Variants in TBC1D14 observed in about 807,000 individuals in gnomAD.
The protein encoded by TBC1D14 is TBC1 domain family, member 14.
TBC1D14 carries 26 observed loss-of-function variants against 79.0 expected under a neutral mutation model. That is an observed-to-expected ratio of 0.33 (90% CI 0.24 to 0.46). The LOEUF is 0.46. Among genes scored for constraint, TBC1D14 ranks in the 20% least tolerant of loss-of-function variants. TBC1D14 has a pLI of 1.00. For missense variants in TBC1D14, 769 were observed against 887.6 expected, an observed-to-expected ratio of 0.87 and a Z score of 1.70; for synonymous variants, 394 against 349.9, an observed-to-expected ratio of 1.13 and a Z score of -1.40.
chr4:6,987,276 G>T, intron 3 of TBC1D14: 1 of 1,333,100 alleles, frequency 7.5e-7, no homozygotes, highest in Non-Finnish European at 9.6e-7. Context: ...CCGGGAGGGA[G>T]GGAGGGAGGC....
intron 3 of TBC1D14, among the ~76,000 whole-genome samples, chr4:6,972,993 T>C (rs2109066523): frequency 6.6e-6 from 1 of 152,284 alleles, no homozygotes; most frequent in East Asian, 1.9e-4. Flanking sequence ...GACGTCGTTG[T>C]TGGAAATGAG....
intron 12 of TBC1D14, among the ~76,000 whole-genome samples, chr4:7,021,516 G>A (rs750256238): frequency 1.3e-5 from 2 of 152,168 alleles, no homozygotes; most frequent in Non-Finnish European, 2.9e-5. Flanking sequence ...AGGGTCACCT[G>A]AGCCCAGGAG....
intron 12 of TBC1D14, among the ~76,000 whole-genome samples, chr4:7,021,132 C>G (rs1253603660): frequency 4.6e-5 from 7 of 152,186 alleles, no homozygotes; most frequent in Non-Finnish European, 1.0e-4. Context: ...CAAGCTCAGA[C>G]AAGCAGGCGG....
intron 1 of TBC1D14, among the ~76,000 whole-genome samples, chr4:6,913,022 T>G (rs1211688134): frequency 6.6e-6 from 1 of 152,234 alleles, no homozygotes; most frequent in Non-Finnish European, 1.5e-5. Flanking sequence ...AGACAGCGTT[T>G]CGCTCTTGTT....
chr4:6,973,682 G>A (rs1716456163), intron 3 of TBC1D14, among the ~76,000 whole-genome samples: 1 of 152,118 alleles, frequency 6.6e-6, no homozygotes, highest in Admixed American at 6.5e-5. Context: ...TTCTCAGCCT[G>A]AACTCAGGCA....
intron 1 of TBC1D14, among the ~76,000 whole-genome samples, chr4:6,917,813 C>G (rs1204141470): frequency 4.6e-5 from 7 of 152,190 alleles, no homozygotes; most frequent in African/African-American, 1.4e-4. Context: ...GTTTGTACAA[C>G]TTCCCCTATA....
chr4:7,016,196 G>A (rs1051983197), intron 12 of TBC1D14, among the ~76,000 whole-genome samples: 4 of 152,208 alleles, frequency 2.6e-5, no homozygotes, highest in Non-Finnish European at 5.9e-5. Flanking sequence ...GGTTTTGGAG[G>A]TTGAATCTTG....
chr4:7,010,926 G>A, intron 11 of TBC1D14, 145 bp downstream of exon 11: 1 of 1,006,974 alleles, frequency 9.9e-7, no homozygotes, highest in Non-Finnish European at 1.4e-6. Flanking sequence ...TAAGGTGGAG[G>A]ATGATTTTGA....
intron 5 of TBC1D14, 154 bp from the exon 6 acceptor site, chr4:6,998,931 G>C: frequency 3.1e-6 from 2 of 635,798 alleles, no homozygotes; most frequent in Non-Finnish European, 2.8e-6. Context: ...GCCTTCTGGA[G>C]TCCGTCAGGT....
intron 12 of TBC1D14, among the ~76,000 whole-genome samples, chr4:7,019,289 G>A (rs529317266): frequency 2.8e-4 from 43 of 152,284 alleles, no homozygotes; most frequent in African/African-American, 8.7e-4. Flanking sequence ...CAAAGTGCTG[G>A]GATTACAGAC....
intron 1 of TBC1D14, among the ~76,000 whole-genome samples, chr4:6,911,844 G>A (rs13141777): frequency 0.11 from 17,398 of 152,206 alleles, 1,173 homozygotes; most frequent in Middle Eastern, 0.22. Context: ...GCAGGTCGGG[G>A]GTTGCTTGGG....
At position 7,020,727 on chromosome 4, in the gene TBC1D14, G is replaced by A. The variant is rs1325627617; in HGVS notation, c.1758-4277G>A. Among the ~76,000 whole-genome samples, 5 of 152,128 alleles carry A rather than the reference G, an allele frequency of 3.3e-5. No individual in the cohort carries two copies. In the East Asian group the frequency reaches 5.8e-4, roughly 18 times the overall value. On this transcript the variant is annotated intron_variant, in intron 12 of 13. Coordinates refer to ENST00000409757, the MANE Select transcript of TBC1D14 (RefSeq NM_020773.3). The stretch of plus-strand genomic sequence containing the variant: ...TTTTGTTTTCTTTTCTTTTTGAGAC[G>A]TATTGTCACTCTTTCCAGTCTGGAG...
chr4:7,007,391 C>A (rs939344477), intron 9 of TBC1D14: 3 of 444,842 alleles, frequency 6.7e-6, no homozygotes, highest in Non-Finnish European at 1.2e-5. Context: ...ACCTTCTATT[C>A]TTTGAGCCAG....
chr4:6,909,504 A>T (rs1222608285), upstream of TBC1D14: 1 of 152,004 alleles, frequency 6.6e-6, no homozygotes, highest in Non-Finnish European at 1.5e-5. Context: ...GGAGCCGACC[A>T]GGTAAGGGGC....
intron 1 of TBC1D14, among the ~76,000 whole-genome samples, chr4:6,912,962 A>ATTTTG (rs1270236473): frequency 1.3e-5 from 2 of 151,862 alleles, no homozygotes; most frequent in African/African-American, 2.4e-5. Flanking sequence ...CCTCCTGTTG[A>ATTTTG]TTTTGTTTTG....
chr4:6,930,161 G>A (rs373991591), intron 2 of TBC1D14, among the ~76,000 whole-genome samples: 81 of 152,330 alleles, frequency 5.3e-4, no homozygotes, highest in Middle Eastern at 3.4e-3. Context: ...TCTAAGCCGG[G>A]TCAGGGTCTA....
Position 6,967,405 on chromosome 4 carries a change from A to T in TBC1D14, c.824A>T (p.Asp275Val). Residue 275 changes from aspartate (D) to valine (V), a missense_variant, in exon 3 of 14, where the codon GAT becomes GTT. Physicochemically the swap from Asp to Val is radical, Grantham distance 152. Around this residue, in one of 2 missense-constraint regions of TBC1D14, gnomAD observed 402 missense variants for 393.2 expected, o/e 1.02. Transcript: ENST00000409757. ...KAPLRENAQK[D>V]SKRIQKEYED... is the part of the protein sequence containing the mutation. ...CCACTCCGAGAGAATGCCCAGAAGG[A>T]TTCAAAGAGAATACAGAAGGTACAC... 1 of 1,613,844 alleles carries T rather than the reference A, an allele frequency of 6.2e-7. No individual in the cohort carries two copies. The highest frequency in any genetic ancestry group is 8.5e-7 in the Non-Finnish European group (1 of 1,179,986).
At chr4:6,911,566 G>T (rs1192191975) in intron 1 of TBC1D14, among the ~76,000 whole-genome samples, 1 of 152,236 alleles carries the variant, frequency 6.6e-6, no homozygotes, top group Non-Finnish European at 1.5e-5. Context: ...GGCTTCTGCT[G>T]TTCCCCTGTG....
intron 2 of TBC1D14, among the ~76,000 whole-genome samples, chr4:6,953,204 T>C (rs1714225997): frequency 6.7e-6 from 1 of 149,546 alleles, no homozygotes; most frequent in East Asian, 2.0e-4. Flanking sequence ...TTTGTATTTT[T>C]AGTAGAGACG....
Sources: gnomAD v4.1 joint callset for allele counts (sites outside exome capture counted in the v4.1 genomes callset) on GRCh38, gnomAD v4.1.1 for gene constraint, gnomAD v4.1.1 regional missense constraint, MANE v1.5 for transcripts, NCBI Gene and HGNC (gene_info 2026-07-23, HGNC 2026-07-21) for gene names.